The following RPS6KA2 variants were observed in gnomAD, a reference collection of about 807,000 sequenced individuals.
RPS6KA2 encodes the protein ribosomal protein S6 kinase alpha-2.
In RPS6KA2, 42 loss-of-function variants were observed where a neutral mutation model predicts 91.8. The observed-to-expected ratio is 0.46, with a 90% CI of 0.36 to 0.59. The LOEUF (loss-of-function observed/expected upper bound fraction) is 0.59. RPS6KA2 is among the 20% of genes least tolerant of loss of function. The probability of loss-of-function intolerance (pLI) is 0.00; values close to 1 mark genes in which losing one functional copy is unlikely to be tolerated. For missense variants in RPS6KA2, 798 were observed against 978.5 expected (o/e 0.82, Z 2.46); for synonymous variants, 414 against 393.6 (o/e 1.05, Z -0.61).
rs200171012 is a variant in RPS6KA2, at chr6:166,498,628, G to A, written c.627C>T (p.Ala209=). Residue 209 remains alanine (A), a synonymous_variant, in exon 8 of 21, where the codon GCC becomes GCT. Transcript: ENST00000265678. Reference sequence around the variant, plus strand: ...AGTACGCTCTCTTGTCGTGGTCAATGGCCTCCTTACTCAGGCCGAAATCTA... The same window carrying A: ...AGTACGCTCTCTTGTCGTGGTCAATAGCCTCCTTACTCAGGCCGAAATCTA... ...KITDFGLSKE[A]IDHDKRAYSF... The A allele has an allele frequency of 2.6e-5, 42 of 1,613,318 alleles. No homozygotes were observed. Among genetic ancestry groups the A allele is most frequent in the Non-Finnish European group, 3.2e-5 (38 of 1,179,832 alleles).
chr6:166,756,678 T>C (rs571402012), intron 2 of RPS6KA2, among the ~76,000 whole-genome samples: 51 of 151,946 alleles, frequency 3.4e-4, no homozygotes, highest in Non-Finnish European at 5.0e-4. Context: ...AGAAACCCCA[T>C]CTCTACTAAA....
chr6:166,622,565 T>C (rs1013370262), intron 1 of RPS6KA2, among the ~76,000 whole-genome samples: 3 of 152,184 alleles, frequency 2.0e-5, no homozygotes, highest in Admixed American at 1.3e-4. Flanking sequence ...AGCTCACCTA[T>C]CATGCCCCAA....
intron 2 of RPS6KA2, among the ~76,000 whole-genome samples, chr6:166,802,130 C>T (rs1051164584): frequency 2.8e-4 from 43 of 151,768 alleles, no homozygotes; most frequent in Admixed American, 3.9e-4. Context: ...ATTAGCCAGG[C>T]GTGGTGGTGG....
chr6:166,495,822 C>T lies in RPS6KA2; in HGVS notation c.747+2686G>A, dbSNP rs562649687. 6.6e-6 allele frequency among the ~76,000 whole-genome samples: 1 copy of T among 152,324 alleles called. No individual in the cohort carries two copies. The highest frequency in any genetic ancestry group is 6.5e-5 in the Admixed American group (1 of 15,312). On this transcript the variant is annotated intron_variant, in intron 8 of 20. Transcript: ENST00000265678. The surrounding 1 kb of genome is among the most constrained non-coding windows in gnomAD (Gnocchi z 4.4). ...AGCCAGAGCCACCAGCCAGAGCCAC[C>T]AACCCGGCCAGGGTCAGCAAAGGCC...
chr6:166,686,809 A>G (rs1447340954), intron 2 of RPS6KA2, among the ~76,000 whole-genome samples: 1 of 152,230 alleles, frequency 6.6e-6, no homozygotes, highest in Non-Finnish European at 1.5e-5. Flanking sequence ...AGCAGCACCC[A>G]TGGTAGGAGC....
chr6:166,766,901 G>A (rs745874712), intron 2 of RPS6KA2, among the ~76,000 whole-genome samples: 10 of 152,150 alleles, frequency 6.6e-5, no homozygotes, highest in South Asian at 2.1e-4. Context: ...CACCCTACTC[G>A]CCCCACAGTG....
intron 2 of RPS6KA2, among the ~76,000 whole-genome samples, chr6:166,723,757 A>G (rs1790252365): frequency 1.4e-5 from 2 of 146,150 alleles, no homozygotes; most frequent in Admixed American, 6.8e-5. Flanking sequence ...CTGGAGTGCA[A>G]TGGCGCGATC....
At chr6:166,815,415 C>T (rs1779737027) in intron 2 of RPS6KA2, among the ~76,000 whole-genome samples, 1 of 152,174 alleles carries the variant, frequency 6.6e-6, no homozygotes, top group Non-Finnish European at 1.5e-5. Context: ...CATCAAACTG[C>T]TGAGCTTTTT....
chr6:166,807,373 T>C (rs1779518304), intron 2 of RPS6KA2, among the ~76,000 whole-genome samples: 1 of 152,220 alleles, frequency 6.6e-6, no homozygotes, highest in South Asian at 2.1e-4. Context: ...CTTCCAAATA[T>C]ACCCACACAT....
At chr6:166,427,940 G>GA (rs1778983612) in intron 16 of RPS6KA2, among the ~76,000 whole-genome samples, 1 of 151,570 alleles carries the variant, frequency 6.6e-6, no homozygotes, top group African/African-American at 2.4e-5. Context: ...CACAGAATTG[G>GA]AAAAAACTAC....
intron 2 of RPS6KA2, among the ~76,000 whole-genome samples, chr6:166,757,072 A>AT (rs1279572724): frequency 6.6e-6 from 1 of 152,190 alleles, no homozygotes; most frequent in Admixed American, 6.5e-5. Flanking sequence ...TCACCATCAC[A>AT]TAAAAAAAAG....
intron 5 of RPS6KA2, among the ~76,000 whole-genome samples, chr6:166,507,282 G>C (rs1782264597): frequency 6.6e-6 from 1 of 152,004 alleles, no homozygotes; most frequent in Admixed American, 6.6e-5. Flanking sequence ...GAGCTGCAGG[G>C]GCGCTGCCAG....
In RPS6KA2 at chr6:166,517,397, G is replaced by A. The variant is rs192990227; in HGVS notation, c.299-7040C>T. On this transcript the variant is annotated intron_variant, in intron 3 of 20. Coordinates refer to ENST00000265678, the MANE Select transcript of RPS6KA2 (RefSeq NM_021135.6). Reference sequence around the variant, plus strand: ...TGCAGCACTGTGACATGCTTGTGATGGCCTTGACAGCATGGCCCACCCAGG... The same window carrying A: ...TGCAGCACTGTGACATGCTTGTGATAGCCTTGACAGCATGGCCCACCCAGG... Among the ~76,000 whole-genome samples, 329 of 151,302 alleles carry A rather than the reference G, an allele frequency of 2.2e-3. 1 individual carries two copies. The highest frequency in any genetic ancestry group is 0.01 in the Middle Eastern group (3 of 286).
chr6:166,720,224 A>G (rs1480574044), intron 2 of RPS6KA2, among the ~76,000 whole-genome samples: 2 of 152,226 alleles, frequency 1.3e-5, no homozygotes, highest in African/African-American at 4.8e-5. Flanking sequence ...GGTGAACCCT[A>G]TACAACAATA....
At chr6:166,607,449 G>C (rs1785994609) in intron 1 of RPS6KA2, among the ~76,000 whole-genome samples, 1 of 152,178 alleles carries the variant, frequency 6.6e-6, no homozygotes, top group African/African-American at 2.4e-5. Flanking sequence ...AATATTACTT[G>C]GCAATAGAGA....
At chr6:166,449,544 T>C (rs1779783622) in intron 13 of RPS6KA2, among the ~76,000 whole-genome samples, 1 of 152,154 alleles carries the variant, frequency 6.6e-6, no homozygotes, top group African/African-American at 2.4e-5. Flanking sequence ...AAATACCACC[T>C]TCCAAAGACC....
intron 2 of RPS6KA2, among the ~76,000 whole-genome samples, chr6:166,764,530 G>A (rs1363790801): frequency 6.6e-6 from 1 of 152,138 alleles, no homozygotes; most frequent in Non-Finnish European, 1.5e-5. Context: ...GCGGGCAGGG[G>A]TGGTTGCTGG....
chr6:166,797,013 A>C (rs933209455), intron 2 of RPS6KA2, among the ~76,000 whole-genome samples: 1 of 152,244 alleles, frequency 6.6e-6, no homozygotes, highest in Admixed American at 6.5e-5. Context: ...AGGGCATTTG[A>C]GAGCAGTTCA....
At chr6:166,670,578 A>G (rs866953400) in intron 2 of RPS6KA2, among the ~76,000 whole-genome samples, 4 of 150,668 alleles carry the variant, frequency 2.7e-5, no homozygotes, top group African/African-American at 4.9e-5. Context: ...TTAGTCTTCA[A>G]TGAGTATCCC....
Sources: allele counts gnomAD v4.1 joint callset (sites outside exome capture counted in the v4.1 genomes callset), GRCh38; gene constraint gnomAD v4.1.1; non-coding constraint Gnocchi (gnomAD v3.1); transcripts MANE v1.5; gene names NCBI Gene and HGNC (gene_info 2026-07-23, HGNC 2026-07-21).